B3GNT2: variants seen among roughly 807,000 people sequenced by gnomAD.
B3GNT2 encodes UDP-GlcNAc:betaGal beta-1,3-N-acetylglucosaminyltransferase 2.
A neutral mutation model predicts 27.6 loss-of-function variants in B3GNT2; 12 were observed. The ratio of observed to expected loss-of-function variants is 0.44; its 90% CI spans 0.28 to 0.71. The LOEUF is 0.71. Among genes scored for constraint, B3GNT2 ranks in the 30% least tolerant of loss-of-function variants. B3GNT2 has a pLI of 0.17. For synonymous variants in B3GNT2, 192 were observed against 189.7 expected (o/e 1.01, Z -0.10); for missense variants, 413 against 488.5 (o/e 0.85, Z 1.46).
chr2:62,207,235 C>CGTGGCACGATCTGG (rs938867790), intron 1 of B3GNT2, among the ~76,000 whole-genome samples: 50 of 151,828 alleles, frequency 3.3e-4, no homozygotes, highest in African/African-American at 1.2e-3. Context: ...GTTGGAGTGC[C>CGTGGCACGATCTGG]GTGGCACGAT....
At chr2:62,211,354 C>A (rs114398111) in intron 1 of B3GNT2, among the ~76,000 whole-genome samples, 1 of 151,810 alleles carries the variant, frequency 6.6e-6, no homozygotes, top group Non-Finnish European at 1.5e-5. Flanking sequence ...AGACCCTGTC[C>A]CCCCCGTCCC....
intron 1 of B3GNT2, among the ~76,000 whole-genome samples, chr2:62,202,381 A>G (rs767321805): frequency 2.0e-5 from 3 of 152,256 alleles, no homozygotes; most frequent in African/African-American, 4.8e-5. Flanking sequence ...AAAACAGGAC[A>G]CAACAGAAAG....
intron 1 of B3GNT2, among the ~76,000 whole-genome samples, chr2:62,213,738 C>T (rs889263804): frequency 6.6e-6 from 1 of 152,164 alleles, no homozygotes; most frequent in African/African-American, 2.4e-5. Context: ...TTCTGTTACC[C>T]TTTAGTTCTT....
intron 1 of B3GNT2, among the ~76,000 whole-genome samples, chr2:62,206,806 A>C (rs913356858): frequency 1.3e-5 from 2 of 152,166 alleles, no homozygotes; most frequent in African/African-American, 2.4e-5. Flanking sequence ...GCTACCCTAC[A>C]AGACTCCAAA....
At chr2:62,221,630 G>C (rs1674694576) in intron 1 of B3GNT2, among the ~76,000 whole-genome samples, 2 of 152,160 alleles carry the variant, frequency 1.3e-5, no homozygotes, top group Admixed American at 1.3e-4. Flanking sequence ...AACGTAACCA[G>C]TCCCTGTTTC....
chr2:62,223,845 G>T lies in B3GNT2; in HGVS notation c.*431G>T, dbSNP rs1674773371. 6.0e-6 allele frequency: 1 copy of T among 167,958 alleles called. No homozygotes were observed. The highest frequency in any genetic ancestry group is 1.5e-5 in the Non-Finnish European group (1 of 68,810). The allele number at this position is 167,958 out of a possible 1,614,324, so 10.4% of individuals were successfully genotyped here. On this transcript the variant is annotated 3_prime_UTR_variant, in exon 2 of 2. Coordinates refer to ENST00000301998, the MANE Select transcript of B3GNT2 (RefSeq NM_006577.6). ...TTAAACATTATCCAGTGGTTTTCGTGAAATGGAATTATGTTTATTTTTATG... is the reference window on the plus strand; with the variant it reads ...TTAAACATTATCCAGTGGTTTTCGTTAAATGGAATTATGTTTATTTTTATG...
chr2:62,217,545 G>A (rs571793406), intron 1 of B3GNT2, among the ~76,000 whole-genome samples: 1 of 152,334 alleles, frequency 6.6e-6, no homozygotes, highest in East Asian at 1.9e-4. Flanking sequence ...AAGGTGTGCA[G>A]GTAATAGGGA....
chr2:62,211,428 C>T (rs906676452), intron 1 of B3GNT2, among the ~76,000 whole-genome samples: 4 of 151,866 alleles, frequency 2.6e-5, no homozygotes, highest in Non-Finnish European at 5.9e-5. Context: ...GTTAGAGATC[C>T]GACAGAAGAC....
chr2:62,197,219 T>G (rs1380898810), intron 1 of B3GNT2, among the ~76,000 whole-genome samples: 1 of 152,020 alleles, frequency 6.6e-6, no homozygotes, highest in South Asian at 2.1e-4. Context: ...GGCGCGGGAC[T>G]GGCGGCTACT....
chr2:62,218,888 G>A (rs1191159671), intron 1 of B3GNT2, among the ~76,000 whole-genome samples: 2 of 152,372 alleles, frequency 1.3e-5, no homozygotes, highest in African/African-American at 4.8e-5. Context: ...CCAAGGTGAT[G>A]TGAGAACTGT....
chr2:62,197,462 A>AG (rs1333385279), intron 1 of B3GNT2, among the ~76,000 whole-genome samples: 3 of 152,166 alleles, frequency 2.0e-5, no homozygotes, highest in Non-Finnish European at 4.4e-5. Flanking sequence ...CCCAAAACGT[A>AG]GGGGTGGTTA....
intron 1 of B3GNT2, among the ~76,000 whole-genome samples, chr2:62,206,240 G>A (rs1674372451): frequency 6.6e-6 from 1 of 152,136 alleles, no homozygotes; most frequent in Non-Finnish European, 1.5e-5. Context: ...TTCCCTCCAT[G>A]CAGCTCTGGG....
chr2:62,200,853 T>C (rs1237365295), intron 1 of B3GNT2, among the ~76,000 whole-genome samples: 1 of 152,240 alleles, frequency 6.6e-6, no homozygotes, highest in African/African-American at 2.4e-5. Context: ...GAAATAGGCT[T>C]GAATTCTATT....
intron 1 of B3GNT2, among the ~76,000 whole-genome samples, chr2:62,198,271 T>C (rs112109382): frequency 3.3e-5 from 5 of 152,230 alleles, no homozygotes; most frequent in Non-Finnish European, 7.3e-5. Context: ...CTTGGGCAAG[T>C]TATTCTTCAC....
At chr2:62,219,375 C>T (rs1297698439) in intron 1 of B3GNT2, among the ~76,000 whole-genome samples, 4 of 152,122 alleles carry the variant, frequency 2.6e-5, no homozygotes, top group African/African-American at 7.2e-5. Context: ...TGCAGTGGCA[C>T]GATCTCAGCT....
chr2:62,203,256 G>A (rs1410545830), intron 1 of B3GNT2, among the ~76,000 whole-genome samples: 1 of 150,784 alleles, frequency 6.6e-6, no homozygotes, highest in African/African-American at 2.4e-5. Flanking sequence ...TGGAAGAGGT[G>A]GGTGAGAGAA....
intron 1 of B3GNT2, among the ~76,000 whole-genome samples, chr2:62,217,089 A>G (rs1018727537): frequency 6.6e-6 from 1 of 152,228 alleles, no homozygotes; most frequent in African/African-American, 2.4e-5. Flanking sequence ...GTTACTTAAG[A>G]TAGTACACTG....
intron 1 of B3GNT2, among the ~76,000 whole-genome samples, chr2:62,211,901 G>A (rs907582617): frequency 6.6e-6 from 1 of 152,190 alleles, no homozygotes; most frequent in Non-Finnish European, 1.5e-5. Context: ...CTAAAGGGCT[G>A]TCACGTATTT....
chr2:62,214,716 A>G (rs777313767), intron 1 of B3GNT2, among the ~76,000 whole-genome samples: 8 of 152,142 alleles, frequency 5.3e-5, no homozygotes, highest in Non-Finnish European at 1.0e-4. Context: ...CCCATTTTAC[A>G]AAGGAGGAAA....
Sources: gnomAD v4.1 joint callset for allele counts (sites outside exome capture counted in the v4.1 genomes callset) on GRCh38, gnomAD v4.1.1 for gene constraint, MANE v1.5 for transcripts, NCBI Gene and HGNC (gene_info 2026-07-23, HGNC 2026-07-21) for gene names.